The following CEACAM16 variants were observed in gnomAD, a reference collection of about 807,000 sequenced individuals.
CEACAM16 encodes the protein cell adhesion molecule CEACAM16.
A neutral mutation model predicts 39.4 loss-of-function variants in CEACAM16; 30 were observed. That is an observed-to-expected ratio of 0.76 (90% CI 0.57 to 1.03). The LOEUF is 1.03. Among genes scored for constraint, CEACAM16 ranks in the 50% least tolerant of loss-of-function variants. The pLI is 0.00. For missense variants in CEACAM16, 521 were observed against 585.3 expected, an observed-to-expected ratio of 0.89 and a Z score of 1.13; for synonymous variants, 262 against 264.9, an observed-to-expected ratio of 0.99 and a Z score of 0.11.
intron 1 of CEACAM16, among the ~76,000 whole-genome samples, chr19:44,699,823 T>C (rs1568525271): frequency 6.6e-6 from 1 of 152,158 alleles, no homozygotes; most frequent in East Asian, 1.9e-4. Flanking sequence ...CCATATCATC[T>C]CTATTTTTTT....
At chr19:44,700,330 G>C (rs1974325101) in intron 1 of CEACAM16, among the ~76,000 whole-genome samples, 1 of 152,090 alleles carries the variant, frequency 6.6e-6, no homozygotes, top group Admixed American at 6.5e-5. Flanking sequence ...TAGAGACGGG[G>C]TTTCGCCATG....
At chr19:44,702,067 C>T (rs943527020) in intron 2 of CEACAM16, among the ~76,000 whole-genome samples, 16 of 152,062 alleles carry the variant, frequency 1.1e-4, no homozygotes, top group Non-Finnish European at 1.9e-4. Flanking sequence ...CCGAGGCGGG[C>T]GGATCACCTG....
chr19:44,703,747 T>C (rs1974391901), intron 3 of CEACAM16, 54 bp downstream of exon 3: 3 of 1,251,976 alleles, frequency 2.4e-6, no homozygotes, highest in South Asian at 1.7e-5. Flanking sequence ...CCCATCTCCT[T>C]CTCAATCCTT....
chr19:44,706,641 G>A (rs1266331503), intron 5 of CEACAM16, among the ~76,000 whole-genome samples: 1 of 152,152 alleles, frequency 6.6e-6, no homozygotes, highest in Non-Finnish European at 1.5e-5. Flanking sequence ...CATCCCCAGA[G>A]GTAAGTGTGA....
chr19:44,705,207 G>T (rs144775070), intron 4 of CEACAM16, among the ~76,000 whole-genome samples: 104 of 151,976 alleles, frequency 6.8e-4, no homozygotes, highest in Non-Finnish European at 8.4e-4. Context: ...TAGAAACATA[G>T]ATTTCTAGAA....
At chr19:44,700,320 T>C (rs1464883789) in intron 1 of CEACAM16, among the ~76,000 whole-genome samples, 5 of 152,126 alleles carry the variant, frequency 3.3e-5, no homozygotes, top group Non-Finnish European at 7.4e-5. Flanking sequence ...ATATTTTTAA[T>C]AGAGACGGGG....
Position 44,704,217 on chromosome 19 carries a change from G to A in CEACAM16, c.582G>A (p.Glu194=). Residue 194 remains glutamate, a synonymous_variant, in exon 4 of 7, where the codon GAG becomes GAA. Transcript: ENST00000587331. ...RVLARHGIRR[E]EAGAYQCEVW... ...TGGCCAGGCATGGCATCCGCCGGGA[G>A]GAGGCCGGCGCCTATCAGTGTGAGG... The A allele has an allele frequency of 2.6e-6, 4 of 1,551,306 alleles. No homozygotes were observed. The highest frequency in any genetic ancestry group is 2.6e-6 in the Non-Finnish European group (3 of 1,147,750).
At chr19:44,704,784 T>C (rs1420362463) in intron 4 of CEACAM16, among the ~76,000 whole-genome samples, 1 of 150,772 alleles carries the variant, frequency 6.6e-6, no homozygotes, top group Non-Finnish European at 1.5e-5. Context: ...ACAAAAAAAA[T>C]ACACTTGCCC....
Position 44,708,204 on chromosome 19 carries a change from G to A in CEACAM16, c.1267+17G>A, listed in dbSNP as rs555476199. 5.2e-6 allele frequency: 8 copies of A among 1,528,720 alleles called. No homozygotes were observed. The African/African-American group carries it at 1.1e-4, about 21-fold the overall frequency. The allele number at this position is 1,528,720 out of a possible 1,614,324, so 94.7% of individuals were successfully genotyped here. A position where few individuals can be genotyped will look rare whatever the true frequency, so the allele number is the denominator to read the frequency against. ...AGGTGGCCCGTGAGTGTGTGGGAAG[G>A]GGCAAGGCGTGCCCCTTTTTAGACA... On this transcript the variant is annotated intron_variant, in intron 6 of 6. Transcript: ENST00000587331.
chr19:44,708,990 T>A (rs1330062942), intron 6 of CEACAM16, among the ~76,000 whole-genome samples: 1 of 151,646 alleles, frequency 6.6e-6, no homozygotes, highest in Non-Finnish European at 1.5e-5. Context: ...CCCCATCAAC[T>A]GGGAGCTTCT....
At position 44,707,960 on chromosome 19, in the gene CEACAM16, T is replaced by C; in HGVS notation, c.1040T>C (p.Val347Ala). Residue 347 changes from valine to alanine, a missense_variant, in exon 6 of 7, where the codon GTC becomes GCC. Coordinates refer to ENST00000587331, the MANE Select transcript of CEACAM16 (RefSeq NM_001039213.4). ...CAGGGCTACCCCAAGGACCTGCTGG[T>C]CTACGCCTGGTACCGCGGGCCTGCC... is the stretch of plus-strand genomic sequence containing the variant. ...TVQGYPKDLL[V>A]YAWYRGPASE... is the part of the protein sequence containing the mutation. 6.2e-7 allele frequency: 1 copy of C among 1,604,190 alleles called. No homozygotes were observed. Among genetic ancestry groups the C allele is most frequent in the Non-Finnish European group, 8.5e-7 (1 of 1,175,486 alleles).
Position 44,710,566 on chromosome 19 carries a change from C to T in CEACAM16, c.*60C>T, listed in dbSNP as rs1173667829. 1.2e-6 allele frequency: 2 copies of T among 1,609,168 alleles called. No individual in the cohort carries two copies. Among genetic ancestry groups the T allele is most frequent in the African/African-American group, 1.3e-5 (1 of 74,824 alleles). On this transcript the variant is annotated 3_prime_UTR_variant, in exon 7 of 7. Coordinates refer to ENST00000587331, the MANE Select transcript of CEACAM16 (RefSeq NM_001039213.4). ...TCTTCGCACCATCCTCTGGTCCTCG[C>T]CCTCTGAGTGGGAACCACTCCCCCA...
At chr19:44,707,347 A>G (rs1169132183) in intron 5 of CEACAM16, among the ~76,000 whole-genome samples, 2 of 152,176 alleles carry the variant, frequency 1.3e-5, no homozygotes, top group Non-Finnish European at 2.9e-5. Context: ...TGGAGGAAAC[A>G]GGGCTGCCGC....
chr19:44,709,757 A>G (rs535610428), intron 6 of CEACAM16, among the ~76,000 whole-genome samples: 25 of 146,664 alleles, frequency 1.7e-4, no homozygotes, highest in African/African-American at 6.4e-4. Flanking sequence ...GGGAGCTCCC[A>G]GAGTCAGGGA....
Position 44,705,727 on chromosome 19 carries a change from A to T in CEACAM16, c.799A>T (p.Asn267Tyr), listed in dbSNP as rs1416358119. 6.2e-7 allele frequency: 1 copy of T among 1,614,018 alleles called. No homozygotes were observed. Among genetic ancestry groups the T allele is most frequent in the South Asian group, 1.1e-5 (1 of 91,088 alleles). ...CPEPEYVWTF[N>Y]GQALKNGQDH... Reference sequence around the variant, plus strand: ...AGAGCCCGAGTATGTGTGGACCTTCAACGGGCAGGCCCTAAAGAACGGCCA... The same window carrying T: ...AGAGCCCGAGTATGTGTGGACCTTCTACGGGCAGGCCCTAAAGAACGGCCA... Residue 267 changes from asparagine (N) to tyrosine (Y), a missense_variant, in exon 5 of 7, where the codon AAC becomes TAC. Physicochemically the swap from Asn to Tyr is moderately radical, Grantham distance 143. Coordinates refer to ENST00000587331, the MANE Select transcript of CEACAM16 (RefSeq NM_001039213.4).
chr19:44,700,951 G>A (rs1225843938), intron 1 of CEACAM16, among the ~76,000 whole-genome samples: 1 of 152,150 alleles, frequency 6.6e-6, no homozygotes, highest in Non-Finnish European at 1.5e-5. Context: ...TCCTAAAGGT[G>A]CCCACTTTAC....
intron 6 of CEACAM16, 57 bp downstream of exon 6, chr19:44,708,244 G>A: frequency 6.3e-6 from 9 of 1,434,980 alleles, no homozygotes; most frequent in Non-Finnish European, 8.4e-6. Flanking sequence ...CTCCCAAAAG[G>A]AGCCTTTGCT....
chr19:44,700,269 T>G (rs1193612356), intron 1 of CEACAM16, among the ~76,000 whole-genome samples: 1 of 151,848 alleles, frequency 6.6e-6, no homozygotes, highest in East Asian at 1.9e-4. Flanking sequence ...CCTCCCAAAG[T>G]GTTGGGATTA....
chr19:44,705,798 G>GA lies in CEACAM16; in HGVS notation c.870_871insA (p.Tyr291IlefsTer123). 1 of 1,613,966 alleles carries GA rather than the reference G, an allele frequency of 6.2e-7. No individual in the cohort carries two copies. Among genetic ancestry groups the GA allele is most frequent in the Non-Finnish European group, 8.5e-7 (1 of 1,179,890 alleles). On this transcript the variant is annotated frameshift_variant, in exon 5 of 7. Transcript: ENST00000587331. LOFTEE classifies it high-confidence loss of function. The stretch of plus-strand genomic sequence containing the variant: ...GCATGACAGCCGCCCAGGAGGGGAC[G>GA]TACACATGTATTGCGAAGAACACCA...
Sources: gnomAD v4.1 joint callset for allele counts (sites outside exome capture counted in the v4.1 genomes callset) on GRCh38, gnomAD v4.1.1 for gene constraint, MANE v1.5 for transcripts, NCBI Gene and HGNC (gene_info 2026-07-23, HGNC 2026-07-21) for gene names.